Variants in C8orf34 observed in about 807,000 individuals in gnomAD.
C8orf34 encodes the protein uncharacterized protein C8orf34.
Under a neutral mutation model 68.3 loss-of-function variants are expected in C8orf34, and 65 were observed. The observed-to-expected ratio is 0.95, with a 90% CI of 0.78 to 1.17. The LOEUF (loss-of-function observed/expected upper bound fraction) is 1.17. Among genes scored for constraint, C8orf34 ranks in the 50% most tolerant of loss-of-function variants. The probability of loss-of-function intolerance (pLI) is 0.00; values close to 1 mark genes in which losing one functional copy is unlikely to be tolerated. For missense variants in C8orf34, 664 were observed against 655.4 expected, an observed-to-expected ratio of 1.01 and a Z score of -0.14; for synonymous variants, 244 against 241.2, an observed-to-expected ratio of 1.01 and a Z score of -0.11.
intron 3 of C8orf34, among the ~76,000 whole-genome samples, chr8:68,448,362 A>G (rs1373773403): frequency 6.6e-6 from 1 of 151,986 alleles, no homozygotes; most frequent in African/African-American, 2.4e-5. Flanking sequence ...TTTAAAAAAT[A>G]GCATATGTAG....
chr8:68,618,541 G>A (rs1256784177), intron 7 of C8orf34, among the ~76,000 whole-genome samples: 2 of 151,840 alleles, frequency 1.3e-5, no homozygotes, highest in Non-Finnish European at 2.9e-5. Flanking sequence ...GTAGAGACAG[G>A]GCCTCTCTAT....
At chr8:68,549,050 A>G (rs1187042730) in intron 7 of C8orf34, among the ~76,000 whole-genome samples, 1 of 151,822 alleles carries the variant, frequency 6.6e-6, no homozygotes, top group Non-Finnish European at 1.5e-5. Flanking sequence ...GAAGAGCAAC[A>G]GAGAGAAATT....
chr8:68,375,965 C>T (rs959639994), intron 1 of C8orf34, among the ~76,000 whole-genome samples: 1 of 152,078 alleles, frequency 6.6e-6, no homozygotes, highest in African/African-American at 2.4e-5. Flanking sequence ...TCAACCCAAC[C>T]GTTTGTCTAT....
intron 10 of C8orf34, among the ~76,000 whole-genome samples, chr8:68,737,521 A>G (rs1822155682): frequency 6.6e-6 from 1 of 152,074 alleles, no homozygotes; most frequent in Non-Finnish European, 1.5e-5. Flanking sequence ...TGTCTTGAAG[A>G]GACCCATCTC....
chr8:68,411,303 G>GA (rs894098364), intron 1 of C8orf34, among the ~76,000 whole-genome samples: 6 of 152,168 alleles, frequency 3.9e-5, no homozygotes, highest in Admixed American at 1.3e-4. Context: ...TAGTGTTGAA[G>GA]AAAAATATTT....
chr8:68,451,663 G>A (rs1449910559), intron 3 of C8orf34, among the ~76,000 whole-genome samples: 1 of 152,052 alleles, frequency 6.6e-6, no homozygotes, highest in Admixed American at 6.6e-5. Context: ...TCTTACATGG[G>A]TGTGGTTTGT....
At chr8:68,578,005 C>T (rs1198231936) in intron 7 of C8orf34, among the ~76,000 whole-genome samples, 2 of 151,250 alleles carry the variant, frequency 1.3e-5, no homozygotes, top group Non-Finnish European at 3.0e-5. Flanking sequence ...CATTTTCCAC[C>T]ATAGTCTTGG....
At chr8:68,727,285 T>TC (rs1253765251) in intron 10 of C8orf34, among the ~76,000 whole-genome samples, 6 of 152,160 alleles carry the variant, frequency 3.9e-5, no homozygotes, top group Non-Finnish European at 8.8e-5. Flanking sequence ...TGACTCCAGG[T>TC]CTCACATCCA....
intron 7 of C8orf34, among the ~76,000 whole-genome samples, chr8:68,592,555 G>A (rs1233020587): frequency 1.4e-5 from 2 of 147,938 alleles, no homozygotes; most frequent in African/African-American, 2.5e-5. Flanking sequence ...TTTTTCTGTA[G>A]CATATCAGCT....
At chr8:68,802,490 C>A (rs1405488123) in intron 12 of C8orf34, among the ~76,000 whole-genome samples, 2 of 152,070 alleles carry the variant, frequency 1.3e-5, no homozygotes, top group Non-Finnish European at 2.9e-5. Flanking sequence ...GTTCATATGC[C>A]ATTTAAAACT....
chr8:68,396,625 G>A (rs1252638887), intron 1 of C8orf34, among the ~76,000 whole-genome samples: 1 of 138,888 alleles, frequency 7.2e-6, no homozygotes. Context: ...TTGGGCAATA[G>A]AAGTGGATCC....
chr8:68,787,608 T>G (rs1823881165), intron 12 of C8orf34, 72 bp downstream of exon 12: 2 of 1,095,408 alleles, frequency 1.8e-6, no homozygotes, highest in Non-Finnish European at 2.6e-6. Flanking sequence ...CTATTTCACT[T>G]TCATAGCAAT....
intron 1 of C8orf34, among the ~76,000 whole-genome samples, chr8:68,332,506 T>C (rs1257168678): frequency 6.7e-6 from 1 of 149,168 alleles, no homozygotes; most frequent in Non-Finnish European, 1.5e-5. Context: ...TCGCGGCAAG[T>C]GGAAGGGGCT....
At chr8:68,426,241 G>A (rs560351116) in intron 1 of C8orf34, among the ~76,000 whole-genome samples, 11 of 151,932 alleles carry the variant, frequency 7.2e-5, no homozygotes, top group Non-Finnish European at 1.2e-4. Flanking sequence ...AAAAATGGCC[G>A]GGTGCGTGGC....
intron 6 of C8orf34, among the ~76,000 whole-genome samples, chr8:68,522,407 TAA>T (rs1483019942): frequency 3.3e-5 from 5 of 152,162 alleles, no homozygotes; most frequent in African/African-American, 1.2e-4. Flanking sequence ...ATATTGACCA[TAA>T]AGAAAGAGAA....
At chr8:68,617,223 G>C (rs1250682203) in intron 7 of C8orf34, among the ~76,000 whole-genome samples, 1 of 152,122 alleles carries the variant, frequency 6.6e-6, no homozygotes, top group Non-Finnish European at 1.5e-5. Context: ...GCACACTGAT[G>C]GGTCTTGACT....
At chr8:68,529,907 T>C (rs1380258812) in intron 6 of C8orf34, among the ~76,000 whole-genome samples, 1 of 152,058 alleles carries the variant, frequency 6.6e-6, no homozygotes, top group African/African-American at 2.4e-5. Flanking sequence ...TTTAGGTACA[T>C]AGTAAGCACA....
At chr8:68,789,613 A>G (rs1823936306) in intron 12 of C8orf34, among the ~76,000 whole-genome samples, 1 of 152,164 alleles carries the variant, frequency 6.6e-6, no homozygotes, top group African/African-American at 2.4e-5. Flanking sequence ...CTACTAGGGT[A>G]CAAGTTATTT....
At chr8:68,416,962 T>C (rs1190920603) in intron 1 of C8orf34, among the ~76,000 whole-genome samples, 1 of 152,158 alleles carries the variant, frequency 6.6e-6, no homozygotes, top group Non-Finnish European at 1.5e-5. Flanking sequence ...TGAGTAAACA[T>C]TCTAGCACCT....
Sources: gnomAD v4.1 joint callset for allele counts (sites outside exome capture counted in the v4.1 genomes callset) on GRCh38, gnomAD v4.1.1 for gene constraint, MANE v1.5 for transcripts, NCBI Gene and HGNC (gene_info 2026-07-23, HGNC 2026-07-21) for gene names.